The following SRP19 variants were observed in gnomAD, a reference collection of about 807,000 sequenced individuals.
SRP19 encodes the protein signal recognition particle 19.
In SRP19, 11 loss-of-function variants were observed where a neutral mutation model predicts 22.4. That is an observed-to-expected ratio of 0.49 (90% confidence interval 0.31 to 0.81). The LOEUF (loss-of-function observed/expected upper bound fraction) is 0.81. Among genes scored for constraint, SRP19 ranks in the 40% least tolerant of loss-of-function variants. The pLI is 0.05. For missense variants in SRP19, 168 were observed against 175.9 expected (o/e 0.96, Z 0.25); for synonymous variants, 61 against 57.6 (o/e 1.06, Z -0.27).
intron 4 of SRP19, chr5:112,887,225 G>A (rs1768282808): frequency 6.7e-7 from 1 of 1,500,502 alleles, no homozygotes; most frequent in Non-Finnish European, 9.0e-7. Flanking sequence ...GGAGGGTGGA[G>A]GGGGCACATT....
At chr5:112,870,690 A>G (rs1189141232), downstream of SRP19, among the ~76,000 whole-genome samples, 3 of 152,202 alleles carry the variant, frequency 2.0e-5, no homozygotes, top group African/African-American at 4.8e-5. Context: ...CTGTGCCCTC[A>G]GGAATGGATT....
At chr5:112,886,927 A>G in intron 4 of SRP19, 1 of 977,772 alleles carries the variant, frequency 1.0e-6, no homozygotes, top group Non-Finnish European at 1.5e-6. Flanking sequence ...GGGTGGTGAT[A>G]AGACAAGAAG....
At chr5:112,891,480 ATG>A (rs1768445836) in intron 4 of SRP19, 2 of 974,668 alleles carry the variant, frequency 2.1e-6, no homozygotes, top group African/African-American at 1.7e-5. Flanking sequence ...GAGAAACAAA[ATG>A]AAAGTAATTT....
intron 4 of SRP19, chr5:112,877,909 C>T (rs766452390): frequency 2.6e-5 from 4 of 151,742 alleles, no homozygotes; most frequent in Non-Finnish European, 4.4e-5. Context: ...TGACAATAGA[C>T]AAATATGTAA....
intron 4 of SRP19, chr5:112,891,597 C>T: frequency 1.3e-6 from 2 of 1,560,582 alleles, no homozygotes; most frequent in Non-Finnish European, 1.7e-6. Context: ...CCATATATTC[C>T]CATAGGTTAA....
intron 4 of SRP19, chr5:112,878,670 T>G: frequency 2.1e-6 from 3 of 1,419,502 alleles, no homozygotes; most frequent in Non-Finnish European, 2.9e-6. Context: ...ATCTTTAATA[T>G]CTCAAAAATG....
chr5:112,897,565 T>C (rs1257724944), downstream of SRP19: 1 of 152,218 alleles, frequency 6.6e-6, no homozygotes, highest in South Asian at 2.1e-4. Flanking sequence ...TTTTAAACCC[T>C]CTTGCTCAAG....
chr5:112,871,243 A>ATTTT (rs10592964), downstream of SRP19, among the ~76,000 whole-genome samples: 13 of 93,950 alleles, frequency 1.4e-4, no homozygotes, highest in East Asian at 3.3e-4. Flanking sequence ...CAATCAGTGA[A>ATTTT]TTTTTTTTTT....
chr5:112,873,271 C>CTTTTTTTTTTTTTTTTTTTTTT (rs35379154), downstream of SRP19, among the ~76,000 whole-genome samples: 1 of 50,720 alleles, frequency 2.0e-5, no homozygotes, highest in Non-Finnish European at 3.4e-5. Flanking sequence ...CTCAGGTTTT[C>CTTTTTTTTTTTTTTTTTTTTTT]TTTTTTTTTT....
At chr5:112,881,931 A>G (rs972281875) in intron 4 of SRP19, 1 of 118,242 alleles carries the variant, frequency 8.5e-6, no homozygotes, top group African/African-American at 4.2e-5. Context: ...CATCTGGCTA[A>G]TTTTTGTGTT....
intron 4 of SRP19, among the ~76,000 whole-genome samples, chr5:112,886,211 A>G (rs1332426592): frequency 6.6e-6 from 1 of 152,240 alleles, no homozygotes; most frequent in Non-Finnish European, 1.5e-5. Context: ...GTACAGTCCT[A>G]GAGAATTCCC....
At chr5:112,876,498 G>C (rs1767898607) in intron 4 of SRP19, 1 of 152,202 alleles carries the variant, frequency 6.6e-6, no homozygotes, top group Non-Finnish European at 1.5e-5. Flanking sequence ...GCTGTGAGTA[G>C]AGGAGTCTTC....
Position 112,867,551 on chromosome 5 carries a change from TC to T in SRP19, c.*15del, listed in dbSNP as rs751891986. On this transcript the variant is annotated 3_prime_UTR_variant, in exon 5 of 5. Coordinates refer to ENST00000505459, the MANE Select transcript of SRP19 (RefSeq NM_003135.3). ...AAAAAGAAGTAACCTAGTATCAGCA[TC>T]AAGTATGTGGTACTACTGTAAGAGA... 6.2e-7 allele frequency: 1 copy of T among 1,600,726 alleles called. No homozygotes were observed. The highest frequency in any genetic ancestry group is 1.1e-5 in the South Asian group (1 of 89,806).
exon 5 of SRP19, chr5:112,892,338 C>T (rs1022151456): frequency 4.3e-6 from 7 of 1,613,890 alleles, no homozygotes; most frequent in East Asian, 2.2e-5. Context: ...TGGAGTACAG[C>T]GAGGAAGAAA....
intron 4 of SRP19, among the ~76,000 whole-genome samples, chr5:112,884,093 T>C (rs1363267244): frequency 6.6e-6 from 1 of 152,224 alleles, no homozygotes; most frequent in Non-Finnish European, 1.5e-5. Flanking sequence ...CTTCAGTCTG[T>C]TCCTAATACA....
intron 4 of SRP19, among the ~76,000 whole-genome samples, chr5:112,880,887 G>C (rs569500447): frequency 6.6e-6 from 1 of 152,268 alleles, no homozygotes; most frequent in South Asian, 2.1e-4. Context: ...CCAGCATTTT[G>C]AGAGGCCGAG....
chr5:112,862,688 T>C (rs1199298139), intron 2 of SRP19, 105 bp downstream of exon 2: 1 of 965,828 alleles, frequency 1.0e-6, no homozygotes, highest in Admixed American at 2.1e-5. Context: ...TTCACTGCAT[T>C]TATTTAGGGC....
intron 4 of SRP19, chr5:112,877,093 C>G (rs960055212): frequency 2.6e-5 from 4 of 151,840 alleles, no homozygotes; most frequent in Non-Finnish European, 5.9e-5. Flanking sequence ...GATTTTCTCC[C>G]AAGAACAATT....
chr5:112,886,426 C>G (rs1043190629), intron 4 of SRP19, among the ~76,000 whole-genome samples: 4 of 152,198 alleles, frequency 2.6e-5, no homozygotes, highest in African/African-American at 9.7e-5. Context: ...ATGAATGGCT[C>G]TTTATCATTT....
Sources: allele counts gnomAD v4.1 joint callset (sites outside exome capture counted in the v4.1 genomes callset), GRCh38; gene constraint gnomAD v4.1.1; transcripts MANE v1.5; gene names NCBI Gene and HGNC (gene_info 2026-07-23, HGNC 2026-07-21).